GRB2: variants seen among roughly 807,000 people sequenced by gnomAD.
GRB2 encodes the protein growth factor receptor bound protein 2.
GRB2 carries 2 observed loss-of-function variants against 27.4 expected under a neutral mutation model. The observed-to-expected ratio is 0.07, with a 90% confidence interval of 0.03 to 0.23. GRB2 has a LOEUF of 0.23. Among genes scored for constraint, GRB2 ranks in the 10% least tolerant of loss-of-function variants. GRB2 has a pLI of 1.00. For missense variants in GRB2, 102 were observed against 282.4 expected (o/e 0.36, Z 4.58); for synonymous variants, 94 against 99.6 (o/e 0.94, Z 0.33).
intron 2 of GRB2, among the ~76,000 whole-genome samples, chr17:75,365,595 G>A (rs1459391462): frequency 1.3e-5 from 2 of 151,894 alleles, no homozygotes; most frequent in Admixed American, 1.3e-4. Context: ...ACTTGAAAAG[G>A]AACATCTGGT....
rs1213479183 is a variant in GRB2 at position 75,320,708 on chromosome 17, A to G, written c.469-155T>C. ...ATCTCCCAACCCCCCGTTTATTCTT[A>G]CCTATTCTAAGTTTACAGGCCAAGC... On this transcript the variant is annotated intron_variant, in intron 5 of 5. Coordinates refer to ENST00000316804, the MANE Select transcript of GRB2 (RefSeq NM_002086.5). This position sits in a 1 kb window ranked among gnomAD's most constrained non-coding sequence, Gnocchi z 4.3. 6.6e-6 allele frequency among the ~76,000 whole-genome samples: 1 copy of G among 151,914 alleles called. No individual in the cohort carries two copies. Among genetic ancestry groups the G allele is most frequent in the East Asian group, 1.9e-4 (1 of 5,190 alleles).
intron 2 of GRB2, among the ~76,000 whole-genome samples, chr17:75,376,117 C>T (rs984354466): frequency 1.3e-5 from 2 of 149,752 alleles, no homozygotes; most frequent in Non-Finnish European, 1.5e-5. Flanking sequence ...CCAAGGCAGG[C>T]GGATTGGCTG....
Position 75,405,532 on chromosome 17 carries a change from A to T in GRB2, c.-181T>A, listed in dbSNP as rs1213959214. On this transcript the variant is annotated 5_prime_UTR_variant, in exon 1 of 6. Coordinates refer to ENST00000316804, the MANE Select transcript of GRB2 (RefSeq NM_002086.5). ...CTCAGCGTCCGGCCCGCCCCTCCAC[A>T]ACGCTGCGAGCGGCCGGCGACCCCA... The T allele has an allele frequency of 1.3e-5, 2 of 154,154 alleles. No individual in the cohort carries two copies. Among genetic ancestry groups the T allele is most frequent in the African/African-American group, 4.8e-5 (2 of 41,438 alleles). 9.5% of individuals were successfully genotyped at this position (154,154 alleles called of 1,614,324 possible).
intron 2 of GRB2, among the ~76,000 whole-genome samples, chr17:75,367,977 A>G (rs184843405): frequency 5.3e-5 from 8 of 151,586 alleles, no homozygotes; most frequent in Admixed American, 1.3e-4. Context: ...CTGCCTCCCA[A>G]GTTCAAGCGA....
chr17:75,363,354 T>C (rs531148101), intron 2 of GRB2, among the ~76,000 whole-genome samples: 2 of 152,310 alleles, frequency 1.3e-5, no homozygotes, highest in East Asian at 3.9e-4. Flanking sequence ...CAGTCTCATT[T>C]CATTTTCTGC....
rs1219719435 is a variant in GRB2, at chr17:75,405,639, T to G, written c.-288A>C. The G allele has an allele frequency of 6.2e-6, 1 of 162,552 alleles. No individual in the cohort carries two copies. Among genetic ancestry groups the G allele is most frequent in the African/African-American group, 2.4e-5 (1 of 41,632 alleles). 10.1% of individuals were successfully genotyped at this position (162,552 alleles called of 1,614,324 possible). A position where few individuals can be genotyped will look rare whatever the true frequency, so the allele number is the denominator to read the frequency against. On this transcript the variant is annotated 5_prime_UTR_variant, in exon 1 of 6. Coordinates refer to ENST00000316804, the MANE Select transcript of GRB2 (RefSeq NM_002086.5). ...ACTCTGCCACAGCCGCCGCCGCCGC[T>G]GCCGCCGCCCGGTCGCCGAAGCAGC...
chr17:75,343,063 A>AAAAAAAAAG (rs1567861729), intron 2 of GRB2, among the ~76,000 whole-genome samples: 6 of 141,262 alleles, frequency 4.2e-5, no homozygotes, highest in Non-Finnish European at 3.1e-5. Context: ...AAAAAAAAAA[A>AAAAAAAAAG]GGTATAAGAT....
At position 75,393,718 on chromosome 17, in the gene GRB2, C is replaced by A. The variant is rs574462492; in HGVS notation, c.-90G>T. 3 of 1,000,496 alleles carry A rather than the reference C, an allele frequency of 3.0e-6. No homozygotes were observed. 62.0% of individuals were successfully genotyped at this position (1,000,496 alleles called of 1,614,324 possible). A position where few individuals can be genotyped will look rare whatever the true frequency, so the allele number is the denominator to read the frequency against. On this transcript the variant is annotated 5_prime_UTR_variant, in exon 2 of 6. Transcript: ENST00000316804. The stretch of plus-strand genomic sequence containing the variant: ...ACCCAGCGCTCTGGGCTTAGCCTCG[C>A]CTCTCTTCTGGGACTCGCTCCGGCA...
intron 3 of GRB2, among the ~76,000 whole-genome samples, chr17:75,330,632 C>A (rs912261146): frequency 3.3e-5 from 5 of 151,898 alleles, no homozygotes; most frequent in Non-Finnish European, 7.4e-5. Context: ...TGAGATAGCA[C>A]CACTGCACTC....
rs1043598147 is a variant in GRB2, at chr17:75,344,144, G to T, written c.79-11347C>A. Among the ~76,000 whole-genome samples, 5 of 152,070 alleles carry T rather than the reference G, an allele frequency of 3.3e-5. No individual in the cohort carries two copies. The East Asian group carries it at 9.6e-4, about 29-fold the overall frequency. On this transcript the variant is annotated intron_variant, in intron 2 of 5. Transcript: ENST00000316804. ...AGACGATGACTTAACTCCAGGTTAGGGGGTATCAGGAAAACATCCTAGATG... is the reference window on the plus strand; with the variant it reads ...AGACGATGACTTAACTCCAGGTTAGTGGGTATCAGGAAAACATCCTAGATG...
chr17:75,365,665 C>T (rs1225514746), intron 2 of GRB2, among the ~76,000 whole-genome samples: 2 of 151,262 alleles, frequency 1.3e-5, no homozygotes, highest in African/African-American at 4.9e-5. Context: ...AAAGAAAGTA[C>T]AATGGAACTA....
At chr17:75,361,561 G>C (rs2078781850) in intron 2 of GRB2, among the ~76,000 whole-genome samples, 1 of 152,068 alleles carries the variant, frequency 6.6e-6, no homozygotes, top group Non-Finnish European at 1.5e-5. Context: ...ATATTACAAA[G>C]GTACCAAGTT....
chr17:75,399,005 C>T (rs1567878259), intron 1 of GRB2, among the ~76,000 whole-genome samples: 1 of 152,150 alleles, frequency 6.6e-6, no homozygotes, highest in South Asian at 2.1e-4. Context: ...ACTTTGCCCT[C>T]CCAAAGTGCT....
At chr17:75,372,947 G>A (rs1263029855) in intron 2 of GRB2, 1 of 152,160 alleles carries the variant, frequency 6.6e-6, no homozygotes, top group Non-Finnish European at 1.5e-5. Context: ...AGAGCTAAAA[G>A]AACAGATATT....
intron 4 of GRB2, 67 bp from the exon 5 acceptor site, chr17:75,321,894 A>G (rs1265882889): frequency 1.4e-6 from 2 of 1,481,020 alleles, no homozygotes; most frequent in South Asian, 1.2e-5. Flanking sequence ...GGGTATTTCC[A>G]TATAGGAGCT....
In GRB2 at chr17:75,318,089, G is replaced by A. The variant is rs1205169383; in HGVS notation, c.*2279C>T. On this transcript the variant is annotated 3_prime_UTR_variant, in exon 6 of 6. Transcript: ENST00000316804. The stretch of plus-strand genomic sequence containing the variant: ...AAAGATACCAAGTGAAGAATTCATT[G>A]TGTATTTATTATTCACAGTTAATCA... 6.6e-6 allele frequency: 1 copy of A among 152,618 alleles called. No homozygotes were observed. The highest frequency in any genetic ancestry group is 1.5e-5 in the Non-Finnish European group (1 of 68,046). The allele number at this position is 152,618 out of a possible 1,614,324, so 9.5% of individuals were successfully genotyped here. A position where few individuals can be genotyped will look rare whatever the true frequency, so the allele number is the denominator to read the frequency against.
chr17:75,342,542 A>G (rs892922014), intron 2 of GRB2, among the ~76,000 whole-genome samples: 5 of 152,108 alleles, frequency 3.3e-5, no homozygotes, highest in African/African-American at 1.2e-4. Flanking sequence ...AGTGCTGGGA[A>G]TACAGGCATG....
chr17:75,381,743 A>G (rs967711101), intron 2 of GRB2, among the ~76,000 whole-genome samples: 6 of 151,194 alleles, frequency 4.0e-5, no homozygotes, highest in African/African-American at 1.2e-4. Flanking sequence ...AAGAAAAAAA[A>G]AAAGAAAATA....
chr17:75,384,529 G>C (rs533245948), intron 2 of GRB2, among the ~76,000 whole-genome samples: 3 of 152,202 alleles, frequency 2.0e-5, no homozygotes, highest in Admixed American at 6.5e-5. Flanking sequence ...AATAAGCCGG[G>C]CGTGGTGGCA....
Sources: gnomAD v4.1 joint callset for allele counts (sites outside exome capture counted in the v4.1 genomes callset) on GRCh38, gnomAD v4.1.1 for gene constraint, Gnocchi (gnomAD v3.1) non-coding constraint, MANE v1.5 for transcripts, NCBI Gene and HGNC (gene_info 2026-07-23, HGNC 2026-07-21) for gene names.